Variants in MRPS10 observed in about 807,000 individuals in gnomAD.
MRPS10 encodes small ribosomal subunit protein uS10m.
MRPS10 carries 23 observed loss-of-function variants against 27.5 expected under a neutral mutation model. That is an observed-to-expected ratio of 0.84 (90% CI 0.60 to 1.18). MRPS10 has a LOEUF of 1.18. Ranked by LOEUF, MRPS10 falls within the 50% of genes most tolerant of loss-of-function variation. MRPS10 has a pLI of 0.00. For synonymous variants in MRPS10, 88 were observed against 84.2 expected (o/e 1.04, Z -0.25); for missense variants, 237 against 240.1 (o/e 0.99, Z 0.09).
chr6:42,217,248 T>C (rs1172850423), intron 1 of MRPS10, among the ~76,000 whole-genome samples: 1 of 152,200 alleles, frequency 6.6e-6, no homozygotes, highest in East Asian at 1.9e-4. Context: ...ACAAAAGCTC[T>C]CTGGAGTCCT....
In MRPS10 at chr6:42,211,818, C is replaced by T. The variant is rs79380347; in HGVS notation, c.286G>A (p.Val96Met). 1.9e-6 allele frequency: 3 copies of T among 1,613,940 alleles called. No individual in the cohort carries two copies. Among genetic ancestry groups the T allele is most frequent in the South Asian group, 1.1e-5 (1 of 91,036 alleles). The change falls in exon 4 of 7, where the codon GTG becomes ATG. Residue 96 changes from valine (V) to methionine (M), a missense_variant. Coordinates refer to ENST00000053468, the MANE Select transcript of MRPS10 (RefSeq NM_018141.4). ...ATACCAAGTTCTTTAGCAGCAAGCA[C>T]AGCAAAATATTCATAACTGTCCAAT... ...AVLDSYEYFA[V>M]LAAKELGISI...
rs1459933731 is a variant in MRPS10, at chr6:42,214,162, T to C, written c.144A>G (p.Ser48=). The change falls in exon 3 of 7, where the codon TCA becomes TCG. Residue 48 remains serine (S), a synonymous_variant. Coordinates refer to ENST00000053468, the MANE Select transcript of MRPS10 (RefSeq NM_018141.4). Reference sequence around the variant, plus strand: ...CCTTTGGAACATCAACGTGTAGGTTTGAAAACTGTACCCACTTCATATTGG... The same window carrying C: ...CCTTTGGAACATCAACGTGTAGGTTCGAAAACTGTACCCACTTCATATTGG... ...LSTNMKWVQF[S]NLHVDVPKDL... is the part of the protein sequence containing the mutation. The C allele has an allele frequency of 6.2e-7, 1 of 1,613,510 alleles. No individual in the cohort carries two copies. The highest frequency in any genetic ancestry group is 8.5e-7 in the Non-Finnish European group (1 of 1,179,718).
At chr6:42,212,210 T>C (rs923140897) in intron 3 of MRPS10, among the ~76,000 whole-genome samples, 1 of 152,116 alleles carries the variant, frequency 6.6e-6, no homozygotes, top group Non-Finnish European at 1.5e-5. Flanking sequence ...AAATTCACAA[T>C]GAAAAAGGAC....
At chr6:42,208,395 C>A in intron 6 of MRPS10, 23 bp from the exon 7 acceptor site, 2 of 1,511,930 alleles carry the variant, frequency 1.3e-6, no homozygotes, top group Non-Finnish European at 1.8e-6. Context: ...AGAAACAAAA[C>A]TATAATGTGG....
Position 42,214,261 on chromosome 6 carries a change from C to T in MRPS10, c.113+19G>A. 1 of 1,610,698 alleles carries T rather than the reference C, an allele frequency of 6.2e-7. No individual in the cohort carries two copies. The highest frequency in any genetic ancestry group is 8.5e-7 in the Non-Finnish European group (1 of 1,177,320). ...AGAACCTATTTTGTTCAATTTAGCA[C>T]ATCCAATTGTATACTTACAGAAGCA... On this transcript the variant is annotated intron_variant, in intron 2 of 6. Coordinates refer to ENST00000053468, the MANE Select transcript of MRPS10 (RefSeq NM_018141.4).
chr6:42,214,024 A>G, intron 3 of MRPS10, 96 bp downstream of exon 3: 1 of 1,012,694 alleles, frequency 9.9e-7, no homozygotes, highest in Non-Finnish European at 1.4e-6. Context: ...AAATTTTTTT[A>G]TTCATAGAGT....
At position 42,217,831 on chromosome 6, in the gene MRPS10, A is replaced by G. The variant is rs143791397; in HGVS notation, c.19T>C (p.Phe7Leu). 4 of 1,613,922 alleles carry G rather than the reference A, an allele frequency of 2.5e-6. No individual in the cohort carries two copies. The highest frequency in any genetic ancestry group is 2.5e-6 in the Non-Finnish European group (3 of 1,179,990). MAARTAFGAVCRRLWQG... is the reference protein window; with the variant it reads MAARTALGAVCRRLWQG... ...CAGAGGCGCCGGCACACAGCACCGA[A>G]CGCTGTCCGCGCCGCCATCTTGCCG... The change falls in exon 1 of 7, where the codon TTC becomes CTC. Residue 7 changes from phenylalanine (F) to leucine (L), a missense_variant. By Grantham distance (22) the Phe-to-Leu change is conservative. Transcript: ENST00000053468.
rs746544710 is a variant in MRPS10, at chr6:42,208,370, T to C, written c.525A>G (p.Thr175=). The C allele has an allele frequency of 1.3e-6, 2 of 1,593,996 alleles. No homozygotes were observed. Among genetic ancestry groups the C allele is most frequent in the Non-Finnish European group, 1.7e-6 (2 of 1,169,270 alleles). Residue 175 remains threonine, a splice_region_variant and synonymous_variant, in exon 7 of 7, where the codon ACA becomes ACG. Coordinates refer to ENST00000053468, the MANE Select transcript of MRPS10 (RefSeq NM_018141.4). The part of the protein sequence containing the change: ...PEGVAMEVTK[T]QLEQLPEHIK... ...TGTGTTCTGGTAACTGTTCTAATTG[T>C]GTCTAAAAAAAGAAAGAAACAAAAC...
Position 42,207,112 on chromosome 6 carries a change from C to CA in MRPS10, c.*1176dup, listed in dbSNP as rs1218924470. 1.3e-5 allele frequency: 2 copies of CA among 151,374 alleles called. No homozygotes were observed. The highest frequency in any genetic ancestry group is 4.9e-5 in the African/African-American group (2 of 40,670). The allele number at this position is 151,374 out of a possible 1,614,324, so 9.4% of individuals were successfully genotyped here. On this transcript the variant is annotated 3_prime_UTR_variant, in exon 7 of 7. Coordinates refer to ENST00000053468, the MANE Select transcript of MRPS10 (RefSeq NM_018141.4). ...CAGGGCTTTAGCCACTATTTCATTTCATGGAAAAGCAGACATCTCCTAACA... is the reference window on the plus strand; with the variant it reads ...CAGGGCTTTAGCCACTATTTCATTTCAATGGAAAAGCAGACATCTCCTAACA...
At chr6:42,211,573 C>T (rs1217984512) in intron 4 of MRPS10, among the ~76,000 whole-genome samples, 1 of 149,868 alleles carries the variant, frequency 6.7e-6, no homozygotes, top group Non-Finnish European at 1.5e-5. Context: ...CCCAGCTATT[C>T]GGGAGGCTGA....
At chr6:42,208,969 T>C in intron 5 of MRPS10, 22 bp from the exon 6 acceptor site, 2 of 1,513,582 alleles carry the variant, frequency 1.3e-6, no homozygotes, top group Non-Finnish European at 9.1e-7. Context: ...AACATGAAAA[T>C]GTTTCATGTA....
chr6:42,213,548 A>C (rs1400117001), intron 3 of MRPS10, among the ~76,000 whole-genome samples: 1 of 152,250 alleles, frequency 6.6e-6, no homozygotes, highest in African/African-American at 2.4e-5. Context: ...ACCTACAGAC[A>C]AATGTCTAGA....
At chr6:42,215,257 C>A (rs142661036) in intron 1 of MRPS10, among the ~76,000 whole-genome samples, 2 of 147,472 alleles carry the variant, frequency 1.4e-5, no homozygotes, top group East Asian at 4.2e-4. Flanking sequence ...GGCATGGTGG[C>A]GGTGCGGTTG....
chr6:42,212,488 C>T (rs910306267), intron 3 of MRPS10, among the ~76,000 whole-genome samples: 12 of 152,186 alleles, frequency 7.9e-5, no homozygotes, highest in South Asian at 2.1e-4. Context: ...AGGTTTTATT[C>T]GCGTATGTTT....
At chr6:42,211,741 A>G (rs1768781339) in intron 4 of MRPS10, 40 bp downstream of exon 4, 1 of 1,578,358 alleles carries the variant, frequency 6.3e-7, no homozygotes, top group Non-Finnish European at 8.6e-7. Context: ...TGATCATATT[A>G]CAGCAGCGAA....
chr6:42,216,375 A>AGTGTGT (rs1562075309), intron 1 of MRPS10, among the ~76,000 whole-genome samples: 2 of 38,736 alleles, frequency 5.2e-5, no homozygotes, highest in African/African-American at 1.2e-4. Context: ...AGAGAGAGAG[A>AGTGTGT]GAGAGAGAGA....
intron 6 of MRPS10, among the ~76,000 whole-genome samples, 155 bp downstream of exon 6, chr6:42,208,703 G>A (rs1460772562): frequency 6.6e-6 from 1 of 152,094 alleles, no homozygotes; most frequent in Non-Finnish European, 1.5e-5. Flanking sequence ...GGGGTGGGTA[G>A]CCCCCAACCG....
At position 42,208,033 on chromosome 6, in the gene MRPS10, ACT is replaced by A. The variant is rs1768656540; in HGVS notation, c.*254_*255del. 3 of 457,946 alleles carry A rather than the reference ACT, an allele frequency of 6.6e-6. No homozygotes were observed. Among genetic ancestry groups the A allele is most frequent in the Non-Finnish European group, 1.1e-5 (3 of 261,048 alleles). 28.4% of individuals were successfully genotyped at this position (457,946 alleles called of 1,614,324 possible). ...AGTAGCGTAACAAAATAGAATTTTCACTCTTTCTGCTTTCAGTCAAAGTGGTT... is the reference window on the plus strand; with the variant it reads ...AGTAGCGTAACAAAATAGAATTTTCACTTTCTGCTTTCAGTCAAAGTGGTT... On this transcript the variant is annotated 3_prime_UTR_variant, in exon 7 of 7. Transcript: ENST00000053468.
Position 42,214,356 on chromosome 6 carries a change from A to C in MRPS10, c.49-12T>G, listed in dbSNP as rs1186085012. The C allele has an allele frequency of 1.9e-6, 3 of 1,585,476 alleles. No individual in the cohort carries two copies. The highest frequency in any genetic ancestry group is 2.6e-6 in the Non-Finnish European group (3 of 1,158,158). The stretch of plus-strand genomic sequence containing the variant: ...AAATTCCCCAATCCCTAAAGAAAAA[A>C]AAAGTAGGACATGTGTTAGAATTAA... On this transcript the variant is annotated splice_polypyrimidine_tract_variant and intron_variant, in intron 1 of 6. Transcript: ENST00000053468.
Sources: allele counts gnomAD v4.1 joint callset (sites outside exome capture counted in the v4.1 genomes callset), GRCh38; gene constraint gnomAD v4.1.1; transcripts MANE v1.5; gene names NCBI Gene and HGNC (gene_info 2026-07-23, HGNC 2026-07-21).